Variants in CEP83 observed in about 807,000 individuals in gnomAD.
CEP83 encodes the protein centrosomal protein 83.
A neutral mutation model predicts 101.9 loss-of-function variants in CEP83; 70 were observed. The ratio of observed to expected loss-of-function variants is 0.69; its 90% CI spans 0.57 to 0.84. CEP83 has a LOEUF of 0.84. Among genes scored for constraint, CEP83 ranks in the 40% least tolerant of loss-of-function variants. CEP83 has a pLI of 0.00. For missense variants in CEP83, 715 were observed against 787.2 expected, an observed-to-expected ratio of 0.91 and a Z score of 1.10; for synonymous variants, 264 against 267.9, an observed-to-expected ratio of 0.99 and a Z score of 0.14.
At chr12:94,306,704 A>G (rs760885557), downstream of CEP83, 9 of 152,214 alleles carry the variant, frequency 5.9e-5, no homozygotes, top group Non-Finnish European at 1.2e-4. Flanking sequence ...TGTATGGAGC[A>G]TTAGGATTTA....
chr12:94,433,850 T>C (rs2065814585), intron 2 of CEP83, among the ~76,000 whole-genome samples: 1 of 152,224 alleles, frequency 6.6e-6, no homozygotes, highest in South Asian at 2.1e-4. Context: ...TAAAATGGAA[T>C]CCAGTTAAAG....
chr12:94,282,417 G>A, the CEP83 span: 11 of 1,523,346 alleles, frequency 7.2e-6, no homozygotes, highest in Non-Finnish European at 8.2e-6. Context: ...AGCAAGACTT[G>A]ACCCCGTGTC....
At chr12:94,403,461 T>A (rs2063366997) in intron 4 of CEP83, among the ~76,000 whole-genome samples, 199 bp from the exon 5 acceptor site, 1 of 152,236 alleles carries the variant, frequency 6.6e-6, no homozygotes, top group Admixed American at 6.5e-5. Flanking sequence ...CTCTTGGAGA[T>A]GTCAAAAATT....
At chr12:94,350,990 C>T (rs564330509) in intron 11 of CEP83, among the ~76,000 whole-genome samples, 99 of 152,180 alleles carry the variant, frequency 6.5e-4, no homozygotes, top group African/African-American at 2.2e-3. Flanking sequence ...AGGACCAACA[C>T]TCTTCCACAA....
chr12:94,449,367 C>G (rs2067055209), intron 1 of CEP83, among the ~76,000 whole-genome samples: 1 of 152,122 alleles, frequency 6.6e-6, no homozygotes, highest in African/African-American at 2.4e-5. Flanking sequence ...AGAGCAAGAT[C>G]ACGAGCAACC....
intron 1 of CEP83, among the ~76,000 whole-genome samples, chr12:94,435,729 C>T (rs368938709): frequency 7.9e-5 from 12 of 152,332 alleles, no homozygotes; most frequent in South Asian, 6.2e-4. Flanking sequence ...TCTGTTCCAA[C>T]GGAGAAAACA....
chr12:94,333,500 G>A lies in CEP83; in HGVS notation c.1559C>T (p.Ala520Val), dbSNP rs776080128. The A allele has an allele frequency of 1.2e-5, 19 of 1,612,996 alleles. No homozygotes were observed. Among genetic ancestry groups the A allele is most frequent in the Middle Eastern group, 1.6e-4 (1 of 6,082 alleles). Residue 520 changes from alanine (A) to valine (V), a missense_variant, in exon 13 of 17, where the codon GCG becomes GTG. Physicochemically the swap from Ala to Val is moderately conservative, Grantham distance 64 (BLOSUM62 0). Coordinates refer to ENST00000397809, the MANE Select transcript of CEP83 (RefSeq NM_016122.3). ...ACTCTACTTTTCAGCTTCTAGTTGC[G>A]CTTTTTCAGCTTGGCTTCTAAAATT... ...CRNFRSQAEK[A>V]QLEAEKTLEE... is the part of the protein sequence containing the mutation.
chr12:94,275,877 A>G, the CEP83 span, among the ~76,000 whole-genome samples: 2 of 85,218 alleles, frequency 2.3e-5, no homozygotes, highest in Non-Finnish European at 4.7e-5. Flanking sequence ...AAAAAAAAAA[A>G]AAAAGAAACT....
chr12:94,437,064 G>A (rs1056770912), intron 1 of CEP83, among the ~76,000 whole-genome samples: 2 of 151,956 alleles, frequency 1.3e-5, no homozygotes, highest in Non-Finnish European at 2.9e-5. Context: ...AAGCAGCTTG[G>A]CCAGGCGTGG....
At chr12:94,303,029 G>C (rs2136234523), downstream of CEP83, among the ~76,000 whole-genome samples, 1 of 152,298 alleles carries the variant, frequency 6.6e-6, no homozygotes, top group Non-Finnish European at 1.5e-5. Context: ...TGGGACATTA[G>C]CCCTATCATT....
Position 94,400,932 on chromosome 12 carries a change from G to GT in CEP83, c.466dup (p.Thr156AsnfsTer8). On this transcript the variant is annotated frameshift_variant, in exon 6 of 17. Coordinates refer to ENST00000397809, the MANE Select transcript of CEP83 (RefSeq NM_016122.3). LOFTEE classifies it high-confidence loss of function. ...GTGTTCAAATTCTGACTTGAGAAAT[G>GT]TATGTTCATAGCGAAGCTTATTATA... The GT allele has an allele frequency of 2.0e-6, 3 of 1,511,202 alleles. No individual in the cohort carries two copies. The highest frequency in any genetic ancestry group is 2.7e-6 in the Non-Finnish European group (3 of 1,126,012). The allele number at this position is 1,511,202 out of a possible 1,614,324, so 93.6% of individuals were successfully genotyped here. A position where few individuals can be genotyped will look rare whatever the true frequency, so the allele number is the denominator to read the frequency against.
At position 94,354,112 on chromosome 12, in the gene CEP83, C is replaced by T. The variant is rs77035082; in HGVS notation, c.1343+13682G>A. On this transcript the variant is annotated intron_variant, in intron 11 of 16. Transcript: ENST00000397809. ...TAGAAAGAAACATAGATTTAAACTA[C>T]ACTGTAGACCAAATGGACTTCACAG... Among the ~76,000 whole-genome samples, 4 of 152,310 alleles carry T rather than the reference C, an allele frequency of 2.6e-5. No homozygotes were observed. The East Asian group carries it at 7.7e-4, about 29-fold the overall frequency.
the CEP83 span, among the ~76,000 whole-genome samples, chr12:94,289,224 A>C: frequency 6.6e-6 from 1 of 152,154 alleles, no homozygotes; most frequent in Admixed American, 6.5e-5. Context: ...AAATGACTTA[A>C]AGTTGTTGAT....
intron 1 of CEP83, among the ~76,000 whole-genome samples, chr12:94,437,782 A>G (rs2066104743): frequency 6.6e-6 from 1 of 152,224 alleles, no homozygotes; most frequent in African/African-American, 2.4e-5. Flanking sequence ...CCTTTCTTAA[A>G]GCATAAATCT....
the CEP83 span, among the ~76,000 whole-genome samples, chr12:94,276,491 C>T: frequency 7.0e-4 from 23 of 32,712 alleles, no homozygotes; most frequent in Non-Finnish European, 1.0e-3. Flanking sequence ...GGAGGGAGGG[C>T]GGGTGGTAAA....
intron 2 of CEP83, chr12:94,424,624 T>G: frequency 6.2e-7 from 1 of 1,613,756 alleles, no homozygotes; most frequent in Non-Finnish European, 8.5e-7. Flanking sequence ...CCTTCAGTGC[T>G]GTTACAGCTT....
At chr12:94,284,093 A>AAAAG in the CEP83 span, among the ~76,000 whole-genome samples, 1 of 151,288 alleles carries the variant, frequency 6.6e-6, no homozygotes, top group Non-Finnish European at 1.5e-5. Context: ...AGGGGAAAAA[A>AAAAG]AAAAAAAAAA....
chr12:94,424,673 T>C, intron 2 of CEP83: 5 of 1,613,160 alleles, frequency 3.1e-6, no homozygotes, highest in Non-Finnish European at 1.7e-6. Flanking sequence ...TACAAAGCCA[T>C]AGCCTTTACA....
chr12:94,266,709 C>T, the CEP83 span, among the ~76,000 whole-genome samples: 234 of 152,326 alleles, frequency 1.5e-3, 1 homozygote, highest in African/African-American at 4.9e-3. Context: ...TCATTCTCCT[C>T]ACATGTGAAA....
Sources: allele counts gnomAD v4.1 joint callset (sites outside exome capture counted in the v4.1 genomes callset), GRCh38; gene constraint gnomAD v4.1.1; transcripts MANE v1.5; gene names NCBI Gene and HGNC (gene_info 2026-07-23, HGNC 2026-07-21).